The following MED15 variants were observed in gnomAD, a reference collection of about 807,000 sequenced individuals.
The protein encoded by MED15 is mediator of RNA polymerase II transcription subunit 15.
A neutral mutation model predicts 118.7 loss-of-function variants in MED15; 41 were observed. The ratio of observed to expected loss-of-function variants is 0.35; its 90% CI spans 0.27 to 0.45. MED15 has a LOEUF of 0.45. Among genes scored for constraint, MED15 ranks in the 20% least tolerant of loss-of-function variants. The pLI, the probability that MED15 is intolerant of heterozygous loss-of-function variation, is 1.00. For missense variants in MED15, 740 were observed against 1,025.5 expected, an observed-to-expected ratio of 0.72 and a Z score of 3.80; for synonymous variants, 436 against 413.9, an observed-to-expected ratio of 1.05 and a Z score of -0.65.
At chr22:20,575,904 A>G (rs745619907) in intron 9 of MED15, among the ~76,000 whole-genome samples, 37 of 152,356 alleles carry the variant, frequency 2.4e-4, no homozygotes, top group South Asian at 2.3e-3. Flanking sequence ...CACAGACTCC[A>G]GAACGTGGCC....
chr22:20,576,832 C>G (rs1384996261), intron 9 of MED15, among the ~76,000 whole-genome samples: 1 of 152,214 alleles, frequency 6.6e-6, no homozygotes, highest in Non-Finnish European at 1.5e-5. Context: ...GACTAGACCC[C>G]TTTGGGTTCT....
chr22:20,581,791 A>T (rs1264011250), intron 9 of MED15: 3 of 152,308 alleles, frequency 2.0e-5, no homozygotes, highest in African/African-American at 7.2e-5. Context: ...ACGGATGAAG[A>T]CAGTGGTGTC....
At position 20,568,651 on chromosome 22, in the gene MED15, G is replaced by T; in HGVS notation, c.1152+20G>T. Reference sequence around the variant, plus strand: ...GTCCAGGTGAGGGCCTGGGGGTGGAGGGCTCCATAGTCATCAGCAGGTGCA... The same window carrying T: ...GTCCAGGTGAGGGCCTGGGGGTGGATGGCTCCATAGTCATCAGCAGGTGCA... On this transcript the variant is annotated intron_variant, in intron 8 of 17. Coordinates refer to ENST00000263205, the MANE Select transcript of MED15 (RefSeq NM_001003891.3). 1.9e-6 allele frequency: 3 copies of T among 1,609,186 alleles called. No individual in the cohort carries two copies. Among genetic ancestry groups the T allele is most frequent in the Non-Finnish European group, 2.5e-6 (3 of 1,178,252 alleles).
At chr22:20,571,310 C>G (rs1217596307) in intron 8 of MED15, among the ~76,000 whole-genome samples, 2 of 152,248 alleles carry the variant, frequency 1.3e-5, no homozygotes, top group African/African-American at 4.8e-5. Context: ...CCCCTTGTTT[C>G]AGGTGGAGGT....
At chr22:20,554,727 G>C in intron 4 of MED15, 1 of 513,572 alleles carries the variant, frequency 1.9e-6, no homozygotes, top group Non-Finnish European at 3.4e-6. Context: ...CCAGGCTAGA[G>C]GTATGGGTCA....
intron 4 of MED15, chr22:20,554,374 A>G (rs2055906771): frequency 6.6e-6 from 1 of 152,610 alleles, no homozygotes. Flanking sequence ...GGCTTGGGAC[A>G]TTTCTCCTCA....
chr22:20,516,344 A>C (rs1390582212), intron 1 of MED15, among the ~76,000 whole-genome samples: 1 of 151,576 alleles, frequency 6.6e-6, no homozygotes, highest in Non-Finnish European at 1.5e-5. Flanking sequence ...ATAATAATAA[A>C]TAAGTAAATA....
At chr22:20,552,884 A>G (rs116895208) in intron 3 of MED15, among the ~76,000 whole-genome samples, 1 of 152,210 alleles carries the variant, frequency 6.6e-6, no homozygotes, top group East Asian at 1.9e-4. Context: ...AGGGTCCCCA[A>G]CCCCAGAGTG....
At chr22:20,560,662 G>A (rs932388468) in intron 5 of MED15, among the ~76,000 whole-genome samples, 2 of 152,170 alleles carry the variant, frequency 1.3e-5, no homozygotes, top group African/African-American at 4.8e-5. Context: ...TATCCAAAGT[G>A]TGAGATTACG....
chr22:20,563,442 A>G (rs936745804), intron 5 of MED15, among the ~76,000 whole-genome samples: 1 of 152,230 alleles, frequency 6.6e-6, no homozygotes, highest in Non-Finnish European at 1.5e-5. Flanking sequence ...TCCATTTTTG[A>G]AATATTATGT....
Position 20,564,476 on chromosome 22 carries a change from C to T in MED15, c.478C>T (p.Leu160=), listed in dbSNP as rs1173643560. The T allele has an allele frequency of 5.6e-6, 9 of 1,612,944 alleles. No homozygotes were observed. The highest frequency in any genetic ancestry group is 2.7e-5 in the African/African-American group (2 of 74,902). Residue 160 remains leucine, a synonymous_variant, in exon 6 of 18, where the codon CTG becomes TTG. Coordinates refer to ENST00000263205, the MANE Select transcript of MED15 (RefSeq NM_001003891.3). ...QTQLQLQQVA[L]QQQQQQQQFQ... ...CCAGCTGCAGCTCCAGCAGGTGGCG[C>T]TGCAGCAGCAGCAGCAACAGCAGCA...
intron 2 of MED15, among the ~76,000 whole-genome samples, chr22:20,539,679 C>T (rs1256148904): frequency 6.6e-6 from 1 of 152,170 alleles, no homozygotes; most frequent in Non-Finnish European, 1.5e-5. Flanking sequence ...AGCAACTGTA[C>T]TATTTTAAAT....
chr22:20,572,008 G>A (rs165620), intron 8 of MED15, among the ~76,000 whole-genome samples: 20 of 152,184 alleles, frequency 1.3e-4, no homozygotes, highest in Admixed American at 1.3e-3. Flanking sequence ...TGGTCGGCAC[G>A]AAGGAACTCT....
At chr22:20,551,392 GCTT>G in intron 2 of MED15, 41 bp from the exon 3 acceptor site, 1 of 1,575,902 alleles carries the variant, frequency 6.3e-7, no homozygotes, top group Non-Finnish European at 8.7e-7. Flanking sequence ...CGATGACTGC[GCTT>G]CTTCATCTGG....
chr22:20,541,029 C>T lies in MED15; in HGVS notation c.156+3825C>T, dbSNP rs1193063755. Among the ~76,000 whole-genome samples, 5 of 152,202 alleles carry T rather than the reference C, an allele frequency of 3.3e-5. No homozygotes were observed. In the East Asian group the frequency reaches 7.7e-4, roughly 24 times the overall value. On this transcript the variant is annotated intron_variant, in intron 2 of 17. Transcript: ENST00000263205. ...AGATCACGAGGTCAGGAGATTGAGA[C>T]CATCCTGGCTAACATGGTGAAACCC...
chr22:20,540,366 T>C (rs1006760681), intron 2 of MED15, among the ~76,000 whole-genome samples: 1 of 152,094 alleles, frequency 6.6e-6, no homozygotes, highest in Non-Finnish European at 1.5e-5. Flanking sequence ...ACATACAAAA[T>C]ATTGAGGTTG....
chr22:20,575,662 A>C lies in MED15; in HGVS notation c.1272+430A>C, dbSNP rs955368261. 5.3e-5 allele frequency among the ~76,000 whole-genome samples: 8 copies of C among 152,108 alleles called. No individual in the cohort carries two copies. The East Asian group carries it at 1.2e-3, about 22-fold the overall frequency. On this transcript the variant is annotated intron_variant, in intron 9 of 17. Coordinates refer to ENST00000263205, the MANE Select transcript of MED15 (RefSeq NM_001003891.3). Reference sequence around the variant, plus strand: ...CGAGATGGGAGGATCACTTGAGGCCAGGAGTTTGAGACCAGCCTGGTTCAC... The same window carrying C: ...CGAGATGGGAGGATCACTTGAGGCCCGGAGTTTGAGACCAGCCTGGTTCAC...
At chr22:20,540,954 C>T (rs1027113354) in intron 2 of MED15, among the ~76,000 whole-genome samples, 7 of 152,012 alleles carry the variant, frequency 4.6e-5, no homozygotes, top group Non-Finnish European at 8.8e-5. Context: ...TACAGCCAGG[C>T]GCGGTGGCTC....
At chr22:20,558,683 A>T (rs165833) in intron 5 of MED15, among the ~76,000 whole-genome samples, 16 of 151,982 alleles carry the variant, frequency 1.1e-4, no homozygotes, top group Non-Finnish European at 2.1e-4. Flanking sequence ...CCTGAGCCTC[A>T]GCTGCTGCAA....
Sources: allele counts gnomAD v4.1 joint callset (sites outside exome capture counted in the v4.1 genomes callset), GRCh38; gene constraint gnomAD v4.1.1; transcripts MANE v1.5; gene names NCBI Gene and HGNC (gene_info 2026-07-23, HGNC 2026-07-21).